Variants in ISOC1 observed in about 807,000 individuals in gnomAD.
ISOC1 encodes isochorismatase domain containing 1, also known as isochorismatase domain-containing protein 1.
In ISOC1, 33 loss-of-function variants were observed where a neutral mutation model predicts 30.0. The observed-to-expected ratio is 1.10, with a 90% CI of 0.83 to 1.47. The LOEUF (loss-of-function observed/expected upper bound fraction) is 1.47, where lower values mean the gene tolerates loss of function less well. Among genes scored for constraint, ISOC1 ranks in the 40% most tolerant of loss-of-function variants. ISOC1 has a pLI of 0.00. For synonymous variants in ISOC1, 178 were observed against 159.8 expected, an observed-to-expected ratio of 1.11 and a Z score of -0.86; for missense variants, 372 against 388.0, an observed-to-expected ratio of 0.96 and a Z score of 0.35.
chr5:129,102,396 T>C (rs1309715196), intron 1 of ISOC1, among the ~76,000 whole-genome samples: 2 of 152,150 alleles, frequency 1.3e-5, no homozygotes, highest in African/African-American at 2.4e-5. Flanking sequence ...GGCTGTATTT[T>C]TGACCTCCTC....
At position 129,104,857 on chromosome 5, in the gene ISOC1, T is replaced by C. The variant is rs901747521; in HGVS notation, c.310-99T>C. 24 of 1,210,158 alleles carry C rather than the reference T, an allele frequency of 2.0e-5. 1 individual carries two copies. The South Asian group carries it at 3.6e-4, about 18-fold the overall frequency. The allele number at this position is 1,210,158 out of a possible 1,614,324, so 75.0% of individuals were successfully genotyped here. On this transcript the variant is annotated intron_variant, in intron 1 of 4. Coordinates refer to ENST00000173527, the MANE Select transcript of ISOC1 (RefSeq NM_016048.2). ...TAGCGGTAGAAATTGACTTACTGGCTCAAACAATAGGACCATTTTTCTTCC... is the reference window on the plus strand; with the variant it reads ...TAGCGGTAGAAATTGACTTACTGGCCCAAACAATAGGACCATTTTTCTTCC...
At chr5:129,103,062 C>G (rs6595879) in intron 1 of ISOC1, among the ~76,000 whole-genome samples, 110,281 of 152,126 alleles carry the variant, frequency 0.72, 41,302 homozygotes, top group African/African-American at 0.91. Context: ...GACTGGCTTA[C>G]TTGCATTATG....
intron 4 of ISOC1, among the ~76,000 whole-genome samples, chr5:129,110,451 G>T (rs1394295302): frequency 2.0e-5 from 3 of 152,164 alleles, no homozygotes; most frequent in Non-Finnish European, 2.9e-5. Context: ...GGCAGGCATT[G>T]TGGGAATGGC....
At chr5:129,110,169 G>T (rs1223998521) in intron 4 of ISOC1, among the ~76,000 whole-genome samples, 2 of 152,126 alleles carry the variant, frequency 1.3e-5, no homozygotes, top group South Asian at 4.1e-4. Context: ...TAGTGCACAT[G>T]CATTTTTTAG....
Position 129,112,867 on chromosome 5 carries a change from A to G in ISOC1, c.763A>G (p.Thr255Ala). 6.2e-7 allele frequency: 1 copy of G among 1,612,494 alleles called. No homozygotes were observed. The highest frequency in any genetic ancestry group is 8.5e-7 in the Non-Finnish European group (1 of 1,179,394). Reference protein sequence around the residue: ...RMFALERLARTGIIVTTSEAV... With the variant: ...RMFALERLARAGIIVTTSEAV... Reference sequence around the variant, plus strand: ...CTTTTTGTTCAAGCGTCTCGCTCGAACCGGGATCATAGTGACCACGAGTGA... The same window carrying G: ...CTTTTTGTTCAAGCGTCTCGCTCGAGCCGGGATCATAGTGACCACGAGTGA... The change falls in exon 5 of 5, where the codon ACC (threonine) becomes GCC (alanine). Residue 255 changes from threonine (T) to alanine (A), a missense_variant. Coordinates refer to ENST00000173527, the MANE Select transcript of ISOC1 (RefSeq NM_016048.2).
In ISOC1 at chr5:129,113,371, G is replaced by A. The variant is rs915105306; in HGVS notation, c.*370G>A. The A allele has an allele frequency of 6.2e-6, 1 of 160,784 alleles. No homozygotes were observed. Among genetic ancestry groups the A allele is most frequent in the African/African-American group, 2.4e-5 (1 of 41,704 alleles). 10.0% of individuals were successfully genotyped at this position (160,784 alleles called of 1,614,324 possible). On this transcript the variant is annotated 3_prime_UTR_variant, in exon 5 of 5. Transcript: ENST00000173527. ...TTAAAGAAAATGACGTACCAACAATGATTTGGCTTTTATATTACTGTAAGA... is the reference window on the plus strand; with the variant it reads ...TTAAAGAAAATGACGTACCAACAATAATTTGGCTTTTATATTACTGTAAGA...
At chr5:129,102,184 T>C (rs777855492) in intron 1 of ISOC1, among the ~76,000 whole-genome samples, 3 of 152,186 alleles carry the variant, frequency 2.0e-5, no homozygotes, top group Non-Finnish European at 4.4e-5. Flanking sequence ...ACACCTTACA[T>C]AGATACTCTC....
At chr5:129,111,226 G>T (rs1240476921) in intron 4 of ISOC1, among the ~76,000 whole-genome samples, 1 of 151,952 alleles carries the variant, frequency 6.6e-6, no homozygotes, top group African/African-American at 2.4e-5. Flanking sequence ...CTGAGCTTAT[G>T]GCCTTACTCC....
At chr5:129,112,223 G>A (rs1294012753) in intron 4 of ISOC1, among the ~76,000 whole-genome samples, 3 of 151,996 alleles carry the variant, frequency 2.0e-5, no homozygotes, top group Non-Finnish European at 2.9e-5. Context: ...AAAATATTAC[G>A]CTCCCCTCGA....
intron 4 of ISOC1, among the ~76,000 whole-genome samples, chr5:129,111,558 G>T (rs533985166): frequency 6.6e-6 from 1 of 152,134 alleles, no homozygotes; most frequent in Non-Finnish European, 1.5e-5. Context: ...CCTAGGAATT[G>T]TTTCCAACCA....
In ISOC1 at chr5:129,106,927, T is replaced by A. The variant is rs1437332790; in HGVS notation, c.634-19T>A. On this transcript the variant is annotated intron_variant, in intron 3 of 4. Coordinates refer to ENST00000173527, the MANE Select transcript of ISOC1 (RefSeq NM_016048.2). ...AGTTTATTATGTTATTACATATGAT[T>A]CTTGTACTTTCCTACTAGACTCATG... The A allele has an allele frequency of 6.5e-7, 1 of 1,549,630 alleles. No individual in the cohort carries two copies. Among genetic ancestry groups the A allele is most frequent in the Non-Finnish European group, 8.9e-7 (1 of 1,121,972 alleles).
At chr5:129,104,928 T>G in intron 1 of ISOC1, 28 bp from the exon 2 acceptor site, 1 of 1,608,506 alleles carries the variant, frequency 6.2e-7, no homozygotes, top group Non-Finnish European at 8.5e-7. Flanking sequence ...CAACAAGTGC[T>G]AAATCATTCT....
Position 129,094,883 on chromosome 5 carries a change from G to C in ISOC1, c.117G>C (p.Ser39=). 6.2e-7 allele frequency: 1 copy of C among 1,606,746 alleles called. No individual in the cohort carries two copies. Among genetic ancestry groups the C allele is most frequent in the South Asian group, 1.1e-5 (1 of 89,574 alleles). The change falls in exon 1 of 5, where the codon TCG becomes TCC. Residue 39 remains serine (S), a synonymous_variant. Transcript: ENST00000173527. ...LFCFSVFARP[S]SVPHGAGYEL... ...GTTTCTCAGTCTTCGCGCGACCCTCGTCGGTGCCACACGGGGCGGGCTACG... is the reference window on the plus strand; with the variant it reads ...GTTTCTCAGTCTTCGCGCGACCCTCCTCGGTGCCACACGGGGCGGGCTACG...
intron 3 of ISOC1, among the ~76,000 whole-genome samples, chr5:129,106,660 G>A (rs1753641087): frequency 6.6e-6 from 1 of 152,178 alleles, no homozygotes; most frequent in African/African-American, 2.4e-5. Context: ...ATCACATGGA[G>A]CAAAATCTTT....
chr5:129,101,192 A>AAAAAAAT (rs1554064627), intron 1 of ISOC1, among the ~76,000 whole-genome samples: 30 of 42,194 alleles, frequency 7.1e-4, no homozygotes, highest in Non-Finnish European at 9.7e-4. Context: ...AAAAAAAAAA[A>AAAAAAAT]ATATATATAT....
intron 1 of ISOC1, 49 bp downstream of exon 1, chr5:129,095,124 GT>G (rs766083631): frequency 6.8e-7 from 1 of 1,476,262 alleles, no homozygotes; most frequent in African/African-American, 1.4e-5. Context: ...AGTCGTCCCC[GT>G]CCCCGTCCCT....
chr5:129,112,924 G>T lies in ISOC1; in HGVS notation c.820G>T (p.Asp274Tyr). The T allele has an allele frequency of 6.2e-7, 1 of 1,613,818 alleles. No individual in the cohort carries two copies. The highest frequency in any genetic ancestry group is 1.3e-5 in the African/African-American group (1 of 74,996). Residue 274 changes from aspartate to tyrosine, a missense_variant, in exon 5 of 5, where the codon GAC becomes TAC. Transcript: ENST00000173527. ...TCTGCTTCAGCTGGTAGCTGATAAG[G>T]ACCATCCAAAATTCAAGGAAATTCA... ...AVLLQLVADK[D>Y]HPKFKEIQNL...
intron 4 of ISOC1, among the ~76,000 whole-genome samples, chr5:129,107,828 A>C (rs1178386790): frequency 6.6e-6 from 1 of 152,136 alleles, no homozygotes; most frequent in Non-Finnish European, 1.5e-5. Context: ...GTTTCATGGT[A>C]GTCTTGGCAT....
rs1554064627 is a variant in ISOC1, at chr5:129,101,192, A to AAAAAATAT, written c.310-3763_310-3762insAAAATATA. On this transcript the variant is annotated intron_variant, in intron 1 of 4. Transcript: ENST00000173527. The stretch of plus-strand genomic sequence containing the variant: ...AAAAAAAAAAAAAAAAAAAAAAAAA[A>AAAAAATAT]ATATATATATATATATGGTTGGGTT... 2.8e-4 allele frequency among the ~76,000 whole-genome samples: 12 copies of AAAAAATAT among 42,206 alleles called. 1 individual carries two copies. Among genetic ancestry groups the AAAAAATAT allele is most frequent in the African/African-American group, 1.5e-3 (8 of 5,440 alleles). 27.7% of individuals were successfully genotyped at this position (42,206 alleles called of 152,430 possible). A position where few individuals can be genotyped will look rare whatever the true frequency, so the allele number is the denominator to read the frequency against.
Sources: allele counts gnomAD v4.1 joint callset (sites outside exome capture counted in the v4.1 genomes callset), GRCh38; gene constraint gnomAD v4.1.1; transcripts MANE v1.5; gene names NCBI Gene and HGNC (gene_info 2026-07-23, HGNC 2026-07-21).